MRTFA: variants seen among roughly 807,000 people sequenced by gnomAD.
MRTFA encodes myocardin-related transcription factor A.
In MRTFA, 20 loss-of-function variants were observed where a neutral mutation model predicts 83.5. That is an observed-to-expected ratio of 0.24 (90% confidence interval 0.17 to 0.35). The LOEUF is 0.35. Ranked by LOEUF, MRTFA falls within the 10% of genes least tolerant of loss-of-function variation. The pLI is 1.00. For missense variants in MRTFA, 1,200 were observed against 1,224.7 expected, an observed-to-expected ratio of 0.98 and a Z score of 0.30; for synonymous variants, 659 against 541.2, an observed-to-expected ratio of 1.22 and a Z score of -3.02.
chr22:40,431,322 G>T, intron 6 of MRTFA, 83 bp downstream of exon 6: 2 of 1,298,136 alleles, frequency 1.5e-6, no homozygotes, highest in Non-Finnish European at 2.2e-6. Context: ...GAAGAAAGAG[G>T]CAGGAAGGAA....
chr22:40,586,849 G>A, intron 2 of MRTFA: 1 of 403,464 alleles, frequency 2.5e-6, no homozygotes, highest in Non-Finnish European at 5.0e-6. Flanking sequence ...CAGGCTTCTT[G>A]ACTGCAACCC....
intron 2 of MRTFA, among the ~76,000 whole-genome samples, chr22:40,571,072 G>C (rs2147344919): frequency 6.8e-6 from 1 of 146,436 alleles, no homozygotes; most frequent in African/African-American, 2.5e-5. Context: ...AGCTGGGCAT[G>C]GTGGTGTGCG....
At chr22:40,529,768 C>T (rs2055043986) in intron 3 of MRTFA, among the ~76,000 whole-genome samples, 1 of 152,098 alleles carries the variant, frequency 6.6e-6, no homozygotes, top group African/African-American at 2.4e-5. Context: ...AGTAGGTGTG[C>T]ATTAATCAAA....
intron 3 of MRTFA, among the ~76,000 whole-genome samples, chr22:40,509,552 G>T (rs1038198827): frequency 2.6e-5 from 4 of 152,186 alleles, no homozygotes; most frequent in African/African-American, 9.7e-5. Context: ...CATCCAGCTG[G>T]TCAAAGTTTT....
chr22:40,492,766 AG>A (rs1187764454), intron 3 of MRTFA, among the ~76,000 whole-genome samples: 2 of 152,226 alleles, frequency 1.3e-5, no homozygotes, highest in African/African-American at 2.4e-5. Flanking sequence ...GGAAAAACTC[AG>A]GAAGAATTTA....
At chr22:40,517,471 A>G (rs1220310669) in intron 3 of MRTFA, among the ~76,000 whole-genome samples, 2 of 152,204 alleles carry the variant, frequency 1.3e-5, no homozygotes, top group Non-Finnish European at 2.9e-5. Flanking sequence ...ATAGTGGTAA[A>G]GAGCACAGAT....
intron 3 of MRTFA, among the ~76,000 whole-genome samples, chr22:40,505,692 G>A (rs1054036312): frequency 2.6e-5 from 4 of 152,174 alleles, no homozygotes; most frequent in African/African-American, 7.2e-5. Flanking sequence ...CACAGCTTTC[G>A]GGTGGCTTGC....
rs201464243 is a variant in MRTFA, at chr22:40,411,374, G to T, written c.*16C>A. On this transcript the variant is annotated 3_prime_UTR_variant, in exon 15 of 15. Transcript: ENST00000355630. ...TGGCTCCCAGCCCCTTCCCCACCCC[G>T]TCTTGAGCCAGAGAGCTACAAGCAG... The T allele has an allele frequency of 1.3e-6, 2 of 1,539,806 alleles. No homozygotes were observed. The highest frequency in any genetic ancestry group is 2.3e-5 in the East Asian group (1 of 43,812).
chr22:40,587,385 C>T (rs1314947039), intron 2 of MRTFA: 3 of 383,602 alleles, frequency 7.8e-6, no homozygotes, highest in African/African-American at 2.1e-5. Flanking sequence ...TCATTAGAGA[C>T]GATGCAGGGT....
intron 4 of MRTFA, among the ~76,000 whole-genome samples, chr22:40,440,314 T>G (rs1287788917): frequency 6.6e-6 from 1 of 152,208 alleles, no homozygotes; most frequent in Non-Finnish European, 1.5e-5. Flanking sequence ...CTGGCTGAGA[T>G]GCAGTAACCT....
chr22:40,552,393 G>A (rs1404160238), intron 2 of MRTFA, 26 bp from the exon 3 acceptor site: 1 of 397,678 alleles, frequency 2.5e-6, no homozygotes, highest in African/African-American at 2.1e-5. Context: ...AAAATGGAAA[G>A]TTTAGATGGT....
In MRTFA at chr22:40,410,599, G is replaced by C. The variant is rs1026326934; in HGVS notation, c.*791C>G. 2 of 233,462 alleles carry C rather than the reference G, an allele frequency of 8.6e-6. No individual in the cohort carries two copies. The highest frequency in any genetic ancestry group is 1.2e-4 in the East Asian group (2 of 16,550). 14.5% of individuals were successfully genotyped at this position (233,462 alleles called of 1,614,324 possible). On this transcript the variant is annotated 3_prime_UTR_variant, in exon 15 of 15. Coordinates refer to ENST00000355630, the MANE Select transcript of MRTFA (RefSeq NM_020831.6). Reference sequence around the variant, plus strand: ...GCACTGATAAGGAGCCAGGAAGCAGGGCAGGTGGGGCATAGGCCGTGGCAG... The same window carrying C: ...GCACTGATAAGGAGCCAGGAAGCAGCGCAGGTGGGGCATAGGCCGTGGCAG...
chr22:40,479,701 A>G (rs751290432), intron 3 of MRTFA, among the ~76,000 whole-genome samples: 4 of 152,310 alleles, frequency 2.6e-5, no homozygotes, highest in Admixed American at 1.3e-4. Flanking sequence ...TGCTCAATGG[A>G]GCATGTCAGA....
chr22:40,430,624 C>G (rs988599536), intron 6 of MRTFA, among the ~76,000 whole-genome samples: 1 of 151,886 alleles, frequency 6.6e-6, no homozygotes, highest in Non-Finnish European at 1.5e-5. Flanking sequence ...TTTGGGAGGC[C>G]GAGGTGGGTG....
Position 40,424,249 on chromosome 22 carries a change from A to T in MRTFA, c.734T>A (p.Val245Asp), listed in dbSNP as rs759606580. The change falls in exon 8 of 15, where the codon GTC (valine) becomes GAC (aspartate). Residue 245 changes from valine to aspartate, a missense_variant. Val to Asp is a radical substitution (Grantham distance 152, BLOSUM62 -3). This residue lies in a region of MRTFA where 1,107 missense variants were observed against 1,041.8 expected (regional missense o/e 1.06). Transcript: ENST00000355630. ...GGTGGCACTGAGCAGTGGTTCGCTG[A>T]CTCGGGCCTCCAGGGGTGACGGCAC... is the stretch of plus-strand genomic sequence containing the variant. 2 of 1,607,178 alleles carry T rather than the reference A, an allele frequency of 1.2e-6. No individual in the cohort carries two copies. The highest frequency in any genetic ancestry group is 3.5e-5 in the Admixed American group (2 of 57,846).
chr22:40,523,131 A>C (rs1569310298), intron 3 of MRTFA, among the ~76,000 whole-genome samples: 1 of 152,152 alleles, frequency 6.6e-6, no homozygotes, highest in Non-Finnish European at 1.5e-5. Flanking sequence ...ATGGCAAAAA[A>C]AAAAAAAAGT....
At chr22:40,540,475 T>A (rs558088636) in intron 3 of MRTFA, among the ~76,000 whole-genome samples, 3 of 152,222 alleles carry the variant, frequency 2.0e-5, no homozygotes, top group African/African-American at 7.2e-5. Context: ...CCTGCCTCCA[T>A]TATTGTTCTT....
At chr22:40,429,905 G>T in intron 6 of MRTFA, 138 bp from the exon 7 acceptor site, 1 of 892,556 alleles carries the variant, frequency 1.1e-6, no homozygotes, top group Non-Finnish European at 1.7e-6. Flanking sequence ...AAGCAGAGAA[G>T]AGTGGCCTGT....
intron 3 of MRTFA, among the ~76,000 whole-genome samples, chr22:40,511,139 GC>G (rs1279262832): frequency 6.6e-6 from 1 of 152,126 alleles, no homozygotes; most frequent in African/African-American, 2.4e-5. Context: ...TAGCCAGGGA[GC>G]CCAATAACAA....
Sources: allele counts gnomAD v4.1 joint callset (sites outside exome capture counted in the v4.1 genomes callset), GRCh38; gene constraint gnomAD v4.1.1; regional missense constraint gnomAD v4.1.1; transcripts MANE v1.5; gene names NCBI Gene and HGNC (gene_info 2026-07-23, HGNC 2026-07-21).